The following CSF1R variants were observed in gnomAD, a reference collection of about 807,000 sequenced individuals.
CSF1R encodes macrophage colony-stimulating factor 1 receptor.
Under a neutral mutation model 110.0 loss-of-function variants are expected in CSF1R, and 40 were observed. That is an observed-to-expected ratio of 0.36 (90% CI 0.28 to 0.47). The LOEUF (loss-of-function observed/expected upper bound fraction) is 0.47. Among genes scored for constraint, CSF1R ranks in the 20% least tolerant of loss-of-function variants. CSF1R has a pLI of 0.99. For missense variants in CSF1R, 1,052 were observed against 1,253.0 expected, an observed-to-expected ratio of 0.84 and a Z score of 2.42; for synonymous variants, 523 against 503.4, an observed-to-expected ratio of 1.04 and a Z score of -0.52.
chr5:150,086,429 G>T lies in CSF1R; in HGVS notation c.-2C>A. 6.2e-7 allele frequency: 1 copy of T among 1,609,722 alleles called. No homozygotes were observed. The highest frequency in any genetic ancestry group is 8.5e-7 in the Non-Finnish European group (1 of 1,178,334). ...GAGCAGCAGAACTCCTGGGCCCATG[G>T]CCTCGGTGGGGAAGTGGCAGGCAGG... is the stretch of plus-strand genomic sequence containing the variant. On this transcript the variant is annotated 5_prime_UTR_variant, in exon 1 of 21. Transcript: ENST00000675795.
chr5:150,111,879 G>A (rs1759729669), intron 1 of CSF1R, among the ~76,000 whole-genome samples: 1 of 152,230 alleles, frequency 6.6e-6, no homozygotes, highest in Admixed American at 6.5e-5. Flanking sequence ...CACATCACAG[G>A]ACTGCTCTCT....
intron 1 of CSF1R, among the ~76,000 whole-genome samples, chr5:150,109,058 GCC>G (rs60014782): frequency 1.7e-5 from 2 of 119,808 alleles, no homozygotes; most frequent in African/African-American, 6.4e-5. Context: ...GGAGAAGCCC[GCC>G]CCCCCCCCAC....
In CSF1R at chr5:150,100,435, C is replaced by T. The variant is rs373721123; in HGVS notation, c.-181+12826G>A. Among the ~76,000 whole-genome samples the T allele has an allele frequency of 1.6e-4, 25 of 151,668 alleles. No individual in the cohort carries two copies. In the East Asian group the frequency reaches 4.7e-3, roughly 28 times the overall value. ...GCCTCAGCCTCCCGAGTAGCTGGGA[C>T]TAAAGGCACCCGCCACCACGCCCAG... On this transcript the variant is annotated intron_variant, in intron 1 of 21. Transcript: ENST00000286301.
rs1758449965 is a variant in CSF1R at position 150,079,950 on chromosome 5, A to C, written c.592+102T>G. 2.2e-6 allele frequency: 3 copies of C among 1,362,776 alleles called. No individual in the cohort carries two copies. The African/African-American group carries it at 4.3e-5, about 20-fold the overall frequency. 84.4% of individuals were successfully genotyped at this position (1,362,776 alleles called of 1,614,324 possible). A position where few individuals can be genotyped will look rare whatever the true frequency, so the allele number is the denominator to read the frequency against. On this transcript the variant is annotated intron_variant, in intron 3 of 20. Transcript: ENST00000675795. ...AGAAGTGAAAGAAAGAGGACATCCC[A>C]CTGCCCCCCATCACACCCAGTCCCC...
chr5:150,112,080 G>T (rs953137034), intron 1 of CSF1R, among the ~76,000 whole-genome samples: 1 of 151,320 alleles, frequency 6.6e-6, no homozygotes, highest in Non-Finnish European at 1.5e-5. Flanking sequence ...CCTTTGTATG[G>T]AAAATGTAAT....
At chr5:150,087,156 T>A (rs984329708), upstream of CSF1R, among the ~76,000 whole-genome samples, 2 of 152,178 alleles carry the variant, frequency 1.3e-5, no homozygotes, top group African/African-American at 4.8e-5. Context: ...CAGATTCGTG[T>A]CTGCTGCAGA....
intron 10 of CSF1R, 32 bp from the exon 11 acceptor site, chr5:150,061,881 G>C: frequency 1.9e-6 from 3 of 1,613,410 alleles, no homozygotes; most frequent in Non-Finnish European, 2.5e-6. Context: ...CGTGGCAGTC[G>C]GGGCTGGCAG....
chr5:150,091,986 A>C (rs1413312991), intron 1 of CSF1R, among the ~76,000 whole-genome samples: 1 of 152,234 alleles, frequency 6.6e-6, no homozygotes, highest in Non-Finnish European at 1.5e-5. Context: ...AAGCATAAAA[A>C]ATATGATTGC....
intron 1 of CSF1R, among the ~76,000 whole-genome samples, chr5:150,099,060 ATTT>A (rs58025190): frequency 1.5e-3 from 195 of 126,746 alleles, no homozygotes; most frequent in Middle Eastern, 3.8e-3. Flanking sequence ...CACCCAGCTA[ATTT>A]TTTTTTTTTT....
At chr5:150,083,164 G>A (rs1015915188) in intron 1 of CSF1R, among the ~76,000 whole-genome samples, 9 of 151,776 alleles carry the variant, frequency 5.9e-5, no homozygotes, top group Admixed American at 2.0e-4. Context: ...CATCCTCCTC[G>A]GGGTGGGGGC....
chr5:150,106,078 C>A (rs751950731), intron 1 of CSF1R, among the ~76,000 whole-genome samples: 1 of 152,170 alleles, frequency 6.6e-6, no homozygotes, highest in East Asian at 1.9e-4. Context: ...CTGCACAGGG[C>A]GATCCTGACC....
intron 19 of CSF1R, among the ~76,000 whole-genome samples, chr5:150,054,993 C>CAAAAA (rs11342950): frequency 8.0e-5 from 6 of 74,790 alleles, no homozygotes; most frequent in African/African-American, 1.7e-4. Flanking sequence ...GATGCTGTCT[C>CAAAAA]AAAAAAAAAA....
At position 150,072,622 on chromosome 5, in the gene CSF1R, A is replaced by G. The variant is rs191194168; in HGVS notation, c.1082+679T>C. On this transcript the variant is annotated intron_variant, in intron 6 of 20. Transcript: ENST00000675795. ...AACCTACCTGCTTAAGCCACTTTGG[A>G]TGAGAAAGCAAGACCCCAAGAACAC... 8.5e-5 allele frequency among the ~76,000 whole-genome samples: 13 copies of G among 152,308 alleles called. No individual in the cohort carries two copies. In the East Asian group the frequency reaches 1.2e-3, roughly 14 times the overall value.
chr5:150,056,445 G>T, intron 16 of CSF1R, 104 bp from the exon 17 acceptor site: 1 of 1,446,404 alleles, frequency 6.9e-7, no homozygotes, highest in Non-Finnish European at 9.4e-7. Flanking sequence ...GTCCCTGCTG[G>T]AGTGAACAAC....
upstream of CSF1R, among the ~76,000 whole-genome samples, chr5:150,088,825 C>T (rs1758946535): frequency 6.6e-6 from 1 of 152,198 alleles, no homozygotes; most frequent in African/African-American, 2.4e-5. Context: ...TGAGCCACTG[C>T]ACCCAGCCAC....
chr5:150,070,482 G>A lies in CSF1R; in HGVS notation c.1172C>T (p.Ala391Val). The A allele has an allele frequency of 6.4e-7, 1 of 1,559,850 alleles. No individual in the cohort carries two copies. The highest frequency in any genetic ancestry group is 1.2e-5 in the South Asian group (1 of 84,336). The change falls in exon 7 of 21, where the codon GCT becomes GTT. Residue 391 changes from alanine to valine, a missense_variant. Physicochemically the swap from Ala to Val is moderately conservative, Grantham distance 64 (BLOSUM62 0). Around this residue, in one of 5 missense-constraint regions of CSF1R, gnomAD observed 693 missense variants for 735.4 expected, o/e 0.94. Coordinates refer to ENST00000675795, the MANE Select transcript of CSF1R (RefSeq NM_001288705.3). ...TCGAAGGGTGAGCTCAAACGTCAGA[G>A]CTCTCCAGCCTCCTGGGTTTCTGGC... ...FLARNPGGWR[A>V]LTFELTLRYP... is the part of the protein sequence containing the mutation.
In CSF1R at chr5:150,069,824, GGC is replaced by G. The variant is rs1395208626; in HGVS notation, c.1510+47_1510+48del. ...GGGAGGAGCCGCCTAAAGGAGCAGGGGCGGGGGGCGGGCGGGGGGGCGGTGCG... is the reference window on the plus strand; with the variant it reads ...GGGAGGAGCCGCCTAAAGGAGCAGGGGGGGGGCGGGCGGGGGGGCGGTGCG... On this transcript the variant is annotated intron_variant, in intron 9 of 20. Transcript: ENST00000675795. The G allele has an allele frequency of 2.4e-6, 3 of 1,247,648 alleles. No homozygotes were observed. In the African/African-American group the frequency reaches 4.9e-5, roughly 20 times the overall value. 77.3% of individuals were successfully genotyped at this position (1,247,648 alleles called of 1,614,324 possible).
intron 1 of CSF1R, among the ~76,000 whole-genome samples, chr5:150,082,309 T>TC (rs1758587741): frequency 1.3e-5 from 2 of 152,312 alleles, no homozygotes; most frequent in South Asian, 4.1e-4. Context: ...AAATGGAAAT[T>TC]CCCCCTGCCC....
rs766614948 is a variant in CSF1R at position 150,078,157 on chromosome 5, G to A, written c.684C>T (p.Ser228=). 4.3e-6 allele frequency: 7 copies of A among 1,614,122 alleles called. No individual in the cohort carries two copies. Among genetic ancestry groups the A allele is most frequent in the East Asian group, 4.5e-5 (2 of 44,872 alleles). Residue 228 remains serine, a synonymous_variant, in exon 4 of 21, where the codon AGC becomes AGT. Coordinates refer to ENST00000675795, the MANE Select transcript of CSF1R (RefSeq NM_001288705.3). ...EAAQIVCSAS[S]VDVNFDVFLQ... is the part of the protein sequence containing the mutation. ...GGAAGACATCAAAGTTAACATCAAC[G>A]CTGCTGGCTGAGCACACGATCTGGG...
Sources: allele counts gnomAD v4.1 joint callset (sites outside exome capture counted in the v4.1 genomes callset), GRCh38; gene constraint gnomAD v4.1.1; regional missense constraint gnomAD v4.1.1; transcripts MANE v1.5; gene names NCBI Gene and HGNC (gene_info 2026-07-23, HGNC 2026-07-21).